ATP9B: variants seen among roughly 807,000 people sequenced by gnomAD.
ATP9B encodes the protein probable phospholipid-transporting ATPase IIB.
In ATP9B, 110 loss-of-function variants were observed where a neutral mutation model predicts 146.1. The observed-to-expected ratio is 0.75, with a 90% CI of 0.65 to 0.88. The LOEUF is 0.88. ATP9B is among the 40% of genes least tolerant of loss of function. The pLI is 0.00. For synonymous variants in ATP9B, 604 were observed against 569.7 expected, an observed-to-expected ratio of 1.06 and a Z score of -0.86; for missense variants, 1,499 against 1,496.4, an observed-to-expected ratio of 1.00 and a Z score of -0.03.
intron 1 of ATP9B, chr18:79,078,162 G>A (rs2072842071): frequency 6.6e-6 from 1 of 152,244 alleles, no homozygotes; most frequent in East Asian, 1.9e-4. Context: ...ATGTAGGTGA[G>A]GCTATTTGCT....
At chr18:79,232,058 A>C (rs1008753774) in intron 11 of ATP9B, among the ~76,000 whole-genome samples, 2 of 152,096 alleles carry the variant, frequency 1.3e-5, no homozygotes, top group African/African-American at 4.8e-5. Context: ...CACTGGATAC[A>C]GTGTACACTA....
intron 26 of ATP9B, among the ~76,000 whole-genome samples, chr18:79,370,610 G>A (rs961955548): frequency 2.0e-5 from 3 of 152,222 alleles, no homozygotes; most frequent in Non-Finnish European, 4.4e-5. Flanking sequence ...GCCATTAATA[G>A]GAGGTGTACG....
At chr18:79,248,871 A>G (rs988982227) in intron 11 of ATP9B, among the ~76,000 whole-genome samples, 7 of 152,336 alleles carry the variant, frequency 4.6e-5, no homozygotes, top group African/African-American at 1.7e-4. Flanking sequence ...CCAGGGTGAC[A>G]TCATCAGCAG....
chr18:79,217,020 T>C (rs2095633154), intron 11 of ATP9B, among the ~76,000 whole-genome samples: 1 of 152,192 alleles, frequency 6.6e-6, no homozygotes, highest in Admixed American at 6.5e-5. Flanking sequence ...TATTATGTCT[T>C]GAATCCACAC....
In ATP9B at chr18:79,345,364, A is replaced by G. The variant is rs2096880569; in HGVS notation, c.2473-64A>G. 2.5e-6 allele frequency: 4 copies of G among 1,582,552 alleles called. No individual in the cohort carries two copies. The East Asian group carries it at 6.7e-5, about 27-fold the overall frequency. Reference sequence around the variant, plus strand: ...GCTCCCATGGTTTTGCACTTTCTACATTACACAAATCTGGGACACTGTTGT... The same window carrying G: ...GCTCCCATGGTTTTGCACTTTCTACGTTACACAAATCTGGGACACTGTTGT... On this transcript the variant is annotated intron_variant, in intron 21 of 29. Coordinates refer to ENST00000426216, the MANE Select transcript of ATP9B (RefSeq NM_198531.5).
At chr18:79,083,961 C>G (rs932972647) in intron 1 of ATP9B, among the ~76,000 whole-genome samples, 2 of 151,062 alleles carry the variant, frequency 1.3e-5, no homozygotes, top group East Asian at 3.9e-4. Flanking sequence ...TGGCTTCAAG[C>G]GACTCCCCTA....
intron 1 of ATP9B, among the ~76,000 whole-genome samples, chr18:79,079,934 T>C (rs992993329): frequency 6.4e-4 from 97 of 152,352 alleles, no homozygotes; most frequent in Admixed American, 1.5e-3. Flanking sequence ...TTTTGTCAGG[T>C]TTGTTAAAGA....
intron 8 of ATP9B, 129 bp from the exon 9 acceptor site, chr18:79,193,054 A>G: frequency 1.4e-6 from 1 of 720,450 alleles, no homozygotes; most frequent in South Asian, 2.2e-5. Flanking sequence ...TGGCACACAA[A>G]AATCTAAGAA....
At chr18:79,314,600 T>C (rs1257211943) in intron 15 of ATP9B, among the ~76,000 whole-genome samples, 1 of 152,222 alleles carries the variant, frequency 6.6e-6, no homozygotes, top group Non-Finnish European at 1.5e-5. Flanking sequence ...TGATTTCGTA[T>C]TCATAATGTG....
chr18:79,139,591 T>G (rs1406894853), intron 5 of ATP9B, among the ~76,000 whole-genome samples: 3 of 152,216 alleles, frequency 2.0e-5, no homozygotes, highest in Non-Finnish European at 4.4e-5. Context: ...CTACATGAGA[T>G]ATTTTGATGC....
chr18:79,291,461 A>T (rs12955458), intron 13 of ATP9B, among the ~76,000 whole-genome samples: 1 of 152,152 alleles, frequency 6.6e-6, no homozygotes, highest in African/African-American at 2.4e-5. Context: ...CTACTACTGC[A>T]TAAGAGGTGA....
At chr18:79,081,569 G>C (rs1355194260) in intron 1 of ATP9B, among the ~76,000 whole-genome samples, 1 of 150,052 alleles carries the variant, frequency 6.7e-6, no homozygotes. Context: ...CCAGCTCCTG[G>C]GTATTCATTA....
At chr18:79,272,533 CTG>C (rs781527298) in intron 12 of ATP9B, among the ~76,000 whole-genome samples, 3 of 151,946 alleles carry the variant, frequency 2.0e-5, no homozygotes, top group Admixed American at 6.6e-5. Context: ...GCTCCTGTCC[CTG>C]AGCTCTCTCC....
chr18:79,282,834 G>A lies in ATP9B; in HGVS notation c.1411+5638G>A, dbSNP rs372196892. 2.4e-3 allele frequency among the ~76,000 whole-genome samples: 363 copies of A among 152,192 alleles called. 1 individual carries two copies. The highest frequency in any genetic ancestry group is 6.4e-3 in the South Asian group (31 of 4,816). ...ATCAAATCTGGGATTGAGTCTTGGT[G>A]CCCCCCAACTATGTGTGATGTTAGG... On this transcript the variant is annotated intron_variant, in intron 13 of 29. Transcript: ENST00000426216.
chr18:79,176,620 T>C (rs1317496618), intron 7 of ATP9B, among the ~76,000 whole-genome samples, 193 bp from the exon 8 acceptor site: 1 of 152,236 alleles, frequency 6.6e-6, no homozygotes, highest in African/African-American at 2.4e-5. Context: ...CATCTTTTCA[T>C]GAAACCTGTT....
intron 1 of ATP9B, chr18:79,095,717 C>T (rs1202086450): frequency 6.6e-6 from 1 of 152,174 alleles, no homozygotes; most frequent in Non-Finnish European, 1.5e-5. Flanking sequence ...TAAGACAGCA[C>T]TTGTTGAATC....
intron 15 of ATP9B, among the ~76,000 whole-genome samples, chr18:79,318,305 G>T (rs1002450496): frequency 1.3e-5 from 2 of 152,264 alleles, no homozygotes; most frequent in African/African-American, 4.8e-5. Context: ...GTCAGCATCA[G>T]CAGTGAAAAG....
intron 13 of ATP9B, among the ~76,000 whole-genome samples, chr18:79,287,202 C>A (rs977223018): frequency 1.3e-5 from 2 of 152,314 alleles, no homozygotes; most frequent in Non-Finnish European, 2.9e-5. Context: ...GATACCAGTT[C>A]CTCCTTGTAC....
intron 8 of ATP9B, among the ~76,000 whole-genome samples, chr18:79,185,051 T>A (rs977671399): frequency 3.3e-5 from 5 of 151,976 alleles, no homozygotes; most frequent in African/African-American, 1.2e-4. Flanking sequence ...CATACAATTC[T>A]GTACAAGCGA....
Sources: allele counts gnomAD v4.1 joint callset (sites outside exome capture counted in the v4.1 genomes callset), GRCh38; gene constraint gnomAD v4.1.1; transcripts MANE v1.5; gene names NCBI Gene and HGNC (gene_info 2026-07-23, HGNC 2026-07-21).